PDE10A: variants seen among roughly 807,000 people sequenced by gnomAD.
PDE10A encodes the protein cAMP and cAMP-inhibited cGMP 3',5'-cyclic phosphodiesterase 10A.
In PDE10A, 39 loss-of-function variants were observed where a neutral mutation model predicts 97.7. That is an observed-to-expected ratio of 0.40 (90% confidence interval 0.31 to 0.52). PDE10A has a LOEUF of 0.52. PDE10A is among the 20% of genes least tolerant of loss of function. The pLI is 0.56. For synonymous variants in PDE10A, 371 were observed against 376.8 expected (o/e 0.98, Z 0.18); for missense variants, 731 against 1,047.8 (o/e 0.70, Z 4.17).
At chr6:165,929,218 A>T (rs1303503612) in intron 1 of PDE10A, among the ~76,000 whole-genome samples, 1 of 152,128 alleles carries the variant, frequency 6.6e-6, no homozygotes, top group East Asian at 1.9e-4. Flanking sequence ...AAAACAAAAG[A>T]ACTAAAACAA....
At chr6:165,508,074 G>A (rs962837969) in intron 2 of PDE10A, among the ~76,000 whole-genome samples, 1 of 151,962 alleles carries the variant, frequency 6.6e-6, no homozygotes, top group African/African-American at 2.4e-5. Context: ...TTTCAAAAAC[G>A]ATTTTATGAA....
intron 1 of PDE10A, among the ~76,000 whole-genome samples, chr6:165,929,649 A>G (rs1186657304): frequency 6.6e-6 from 1 of 152,208 alleles, no homozygotes; most frequent in African/African-American, 2.4e-5. Flanking sequence ...TTTTCTTAGA[A>G]GGATCCATTC....
intron 19 of PDE10A, among the ~76,000 whole-genome samples, 180 bp downstream of exon 19, chr6:165,343,211 T>C (rs1782082164): frequency 6.6e-6 from 1 of 152,226 alleles, no homozygotes. Context: ...ATGTAAGTAA[T>C]ATGTAAAAGA....
At chr6:165,802,872 C>T (rs1184225318) in intron 1 of PDE10A, among the ~76,000 whole-genome samples, 1 of 152,194 alleles carries the variant, frequency 6.6e-6, no homozygotes, top group Admixed American at 6.5e-5. Context: ...ACTTAGGTCC[C>T]TCTTAAGTGC....
At chr6:165,901,512 G>A (rs1282498227) in intron 1 of PDE10A, among the ~76,000 whole-genome samples, 1 of 152,078 alleles carries the variant, frequency 6.6e-6, no homozygotes, top group Non-Finnish European at 1.5e-5. Context: ...ATTACAAAAT[G>A]CCCCGCATGG....
At chr6:165,609,676 C>A (rs1028391610) in intron 1 of PDE10A, among the ~76,000 whole-genome samples, 1 of 152,134 alleles carries the variant, frequency 6.6e-6, no homozygotes, top group East Asian at 1.9e-4. Context: ...AATACAAAAT[C>A]GATGTGCAAA....
intron 17 of PDE10A, among the ~76,000 whole-genome samples, chr6:165,380,512 G>A (rs1784866566): frequency 1.3e-5 from 2 of 152,190 alleles, no homozygotes; most frequent in African/African-American, 4.8e-5. Context: ...GCAGCAAATG[G>A]ACTCAGGTCT....
intron 1 of PDE10A, among the ~76,000 whole-genome samples, chr6:165,851,611 G>C (rs1164246915): frequency 6.6e-6 from 1 of 152,166 alleles, no homozygotes; most frequent in Non-Finnish European, 1.5e-5. Flanking sequence ...TACTTTGGGT[G>C]TTCAGGAAGG....
chr6:165,651,725 A>AT (rs1789695415), intron 1 of PDE10A, among the ~76,000 whole-genome samples: 1 of 151,680 alleles, frequency 6.6e-6, no homozygotes, highest in African/African-American at 2.4e-5. Context: ...GAATTTCCTC[A>AT]TTTTTTTTCT....
chr6:165,701,790 CAT>C (rs1491118100), intron 1 of PDE10A, among the ~76,000 whole-genome samples: 6 of 150,266 alleles, frequency 4.0e-5, no homozygotes, highest in Non-Finnish European at 5.9e-5. Context: ...TGTGTGTGTG[CAT>C]GTGTGTGTGT....
chr6:165,741,643 C>T (rs58935808), intron 1 of PDE10A, among the ~76,000 whole-genome samples: 137 of 152,130 alleles, frequency 9.0e-4, no homozygotes, highest in African/African-American at 2.1e-3. Flanking sequence ...AAAATATGCA[C>T]AGCATACTAT....
rs10547889 is a variant in PDE10A at position 165,655,521 on chromosome 6, TTA to T, written c.865+6424_865+6425del. Among the ~76,000 whole-genome samples the T allele has an allele frequency of 0.46, 69,523 of 151,544 alleles. 16,559 individuals are homozygous for T. Among genetic ancestry groups the T allele is most frequent in the East Asian group, 0.67 (3,406 of 5,090 alleles). On this transcript the variant is annotated intron_variant, in intron 1 of 21. Transcript: ENST00000539869. The surrounding 1 kb of genome is among the most constrained non-coding windows in gnomAD (Gnocchi z 4.5). ...CCCATATCCAACCCACCTGCAGGTC[TTA>T]TACACGCCACCTCCAAACACCTCCT...
intron 1 of PDE10A, among the ~76,000 whole-genome samples, chr6:165,590,135 T>TC (rs1426142831): frequency 6.6e-6 from 1 of 152,180 alleles, no homozygotes; most frequent in Non-Finnish European, 1.5e-5. Flanking sequence ...TCAGGAGTGT[T>TC]TATGAAGACT....
intron 1 of PDE10A, among the ~76,000 whole-genome samples, chr6:165,635,263 G>T (rs1472906418): frequency 2.0e-5 from 3 of 152,194 alleles, no homozygotes; most frequent in African/African-American, 7.2e-5. Flanking sequence ...GCATTAAAAG[G>T]TACGTGCCTA....
intron 1 of PDE10A, among the ~76,000 whole-genome samples, chr6:165,778,968 C>T (rs1778270760): frequency 6.6e-6 from 1 of 152,052 alleles, no homozygotes; most frequent in Non-Finnish European, 1.5e-5. Context: ...CAATATTTGT[C>T]TTGCAATTTC....
chr6:165,962,261 C>T (rs1048437786), intron 1 of PDE10A, among the ~76,000 whole-genome samples: 2 of 152,216 alleles, frequency 1.3e-5, no homozygotes, highest in African/African-American at 2.4e-5. Flanking sequence ...CCTCAGGGGC[C>T]CCACTACAGG....
chr6:165,514,965 G>C (rs1781708535), intron 2 of PDE10A, among the ~76,000 whole-genome samples: 1 of 152,076 alleles, frequency 6.6e-6, no homozygotes, highest in African/African-American at 2.4e-5. Context: ...TCTCCTCTTA[G>C]CTTTAGCTAG....
chr6:165,831,371 CAAAAAAAAAAAAA>C (rs760962725), intron 1 of PDE10A, among the ~76,000 whole-genome samples: 7 of 44,800 alleles, frequency 1.6e-4, no homozygotes, highest in African/African-American at 5.4e-4. Flanking sequence ...GACTCTGTCT[CAAAAAAAAAAAAA>C]AAAAAAAAAA....
chr6:165,767,551 CTT>C (rs1562726446), intron 1 of PDE10A, among the ~76,000 whole-genome samples: 3 of 152,336 alleles, frequency 2.0e-5, no homozygotes, highest in East Asian at 3.9e-4. Flanking sequence ...GTGTGGACCT[CTT>C]TGACTGGCTT....
Sources: gnomAD v4.1 joint callset for allele counts (sites outside exome capture counted in the v4.1 genomes callset) on GRCh38, gnomAD v4.1.1 for gene constraint, Gnocchi (gnomAD v3.1) non-coding constraint, MANE v1.5 for transcripts, NCBI Gene and HGNC (gene_info 2026-07-23, HGNC 2026-07-21) for gene names.